OTUD4: variants seen among roughly 807,000 people sequenced by gnomAD.
OTUD4 encodes the protein OTU deubiquitinase 4.
A neutral mutation model predicts 130.4 loss-of-function variants in OTUD4; 24 were observed. The ratio of observed to expected loss-of-function variants is 0.18; its 90% CI spans 0.13 to 0.26. OTUD4 has a LOEUF of 0.26. Among genes scored for constraint, OTUD4 ranks in the 10% least tolerant of loss-of-function variants. OTUD4 has a pLI of 1.00. For synonymous variants in OTUD4, 420 were observed against 472.5 expected, an observed-to-expected ratio of 0.89 and a Z score of 1.44; for missense variants, 1,031 against 1,329.4, an observed-to-expected ratio of 0.78 and a Z score of 3.49.
At chr4:145,172,377 A>C (rs1752211796) in intron 2 of OTUD4, among the ~76,000 whole-genome samples, 1 of 152,268 alleles carries the variant, frequency 6.6e-6, no homozygotes. Context: ...GTGATACTAG[A>C]AAGAGCGATG....
At chr4:145,179,548 C>A (rs1046544558) in intron 1 of OTUD4, 31 of 1,178,744 alleles carry the variant, frequency 2.6e-5, no homozygotes, top group African/African-American at 2.1e-4. Flanking sequence ...AAGCTCCGAG[C>A]AGGCCTCACA....
In OTUD4 at chr4:145,180,387, CTCAGGTGAAGCGGGG is replaced by C. The variant is rs1335864359; in HGVS notation, c.-429_-415del. Among the ~76,000 whole-genome samples, 1 of 152,208 alleles carries C rather than the reference CTCAGGTGAAGCGGGG, an allele frequency of 6.6e-6. No individual in the cohort carries two copies. Among genetic ancestry groups the C allele is most frequent in the Non-Finnish European group, 1.5e-5 (1 of 68,036 alleles). ...GCCCCTGGCGCGCACGCTGGGCCGGCTCAGGTGAAGCGGGGCCTGCGCCCCCGCGCACTCCCCACG... is the reference window on the plus strand; with the variant it reads ...GCCCCTGGCGCGCACGCTGGGCCGGCCCTGCGCCCCCGCGCACTCCCCACG... On this transcript the variant is annotated 5_prime_UTR_variant, in exon 1 of 21. Transcript: ENST00000447906.
At chr4:145,159,303 T>C (rs1751440253) in intron 7 of OTUD4, 200 bp downstream of exon 7, 1 of 1,380,550 alleles carries the variant, frequency 7.2e-7, no homozygotes, top group Non-Finnish European at 9.3e-7. Flanking sequence ...AAACACCAAC[T>C]TTCAAAACAA....
intron 1 of OTUD4, among the ~76,000 whole-genome samples, chr4:145,175,568 G>A (rs1182544620): frequency 1.3e-5 from 2 of 149,914 alleles, no homozygotes; most frequent in African/African-American, 4.9e-5. Context: ...TTTTTGAGAC[G>A]GAGTCCTGCT....
intron 17 of OTUD4, 98 bp from the exon 18 acceptor site, chr4:145,142,432 C>A (rs1560978602): frequency 1.1e-5 from 11 of 997,828 alleles, no homozygotes; most frequent in South Asian, 1.6e-5. Context: ...GAGTTGCCTG[C>A]CTTTTATACA....
chr4:145,169,385 C>T (rs1358056981), intron 3 of OTUD4, among the ~76,000 whole-genome samples: 1 of 152,226 alleles, frequency 6.6e-6, no homozygotes, highest in Non-Finnish European at 1.5e-5. Context: ...AAGATGCTTT[C>T]TCTGAGAACT....
rs746794920 is a variant in OTUD4 at position 145,150,944 on chromosome 4, C to A, written c.969-39G>T. 3 of 1,275,800 alleles carry A rather than the reference C, an allele frequency of 2.4e-6. No homozygotes were observed. The South Asian group carries it at 3.9e-5, about 17-fold the overall frequency. 79.0% of individuals were successfully genotyped at this position (1,275,800 alleles called of 1,614,324 possible). On this transcript the variant is annotated intron_variant, in intron 11 of 20. Coordinates refer to ENST00000447906, the MANE Select transcript of OTUD4 (RefSeq NM_001366057.1). ...AAGACTTGTGATAGCTTAAAATACC[C>A]TAGTAAGAATAGTTAAATATTCTGC...
intron 1 of OTUD4, chr4:145,178,524 T>C (rs189946735): frequency 6.6e-6 from 1 of 151,986 alleles, no homozygotes; most frequent in African/African-American, 2.4e-5. Flanking sequence ...CTACTAACAA[T>C]AAGGACCGGA....
Position 145,134,737 on chromosome 4 carries a change from AAGAGTTGAAG to A in OTUD4, c.*2683_*2692del. The A allele has an allele frequency of 2.5e-6, 1 of 398,998 alleles. No individual in the cohort carries two copies. Among genetic ancestry groups the A allele is most frequent in the Non-Finnish European group, 4.4e-6 (1 of 226,032 alleles). The allele number at this position is 398,998 out of a possible 1,614,324, so 24.7% of individuals were successfully genotyped here. ...TCCTGCTGCCAAGGAGACATGGGGCAAGAGTTGAAGATTTGAGAGGAAATGAAGAGACATA... is the reference window on the plus strand; with the variant it reads ...TCCTGCTGCCAAGGAGACATGGGGCAATTTGAGAGGAAATGAAGAGACATA... On this transcript the variant is annotated 3_prime_UTR_variant, in exon 21 of 21. Coordinates refer to ENST00000447906, the MANE Select transcript of OTUD4 (RefSeq NM_001366057.1).
Position 145,133,799 on chromosome 4 carries a change from AT to A in OTUD4, c.*3630del, listed in dbSNP as rs1462335556. ...AGAACATAGAAAAATAAACAGGAAT[AT>A]ATTCAACACTTACAAAAAGTGATAT... On this transcript the variant is annotated 3_prime_UTR_variant, in exon 21 of 21. Coordinates refer to ENST00000447906, the MANE Select transcript of OTUD4 (RefSeq NM_001366057.1). 1 of 152,654 alleles carries A rather than the reference AT, an allele frequency of 6.6e-6. No homozygotes were observed. Among genetic ancestry groups the A allele is most frequent in the Non-Finnish European group, 1.5e-5 (1 of 68,022 alleles). The allele number at this position is 152,654 out of a possible 1,614,324, so 9.5% of individuals were successfully genotyped here.
rs768064187 is a variant in OTUD4, at chr4:145,144,367, A to G, written c.1490T>C (p.Val497Ala). 268 of 1,611,504 alleles carry G rather than the reference A, an allele frequency of 1.7e-4. No individual in the cohort carries two copies. The highest frequency in any genetic ancestry group is 2.0e-4 in the Non-Finnish European group (236 of 1,178,248). Residue 497 changes from valine (V) to alanine (A), a missense_variant, in exon 15 of 21, where the codon GTA becomes GCA. Physicochemically the swap from Val to Ala is moderately conservative, Grantham distance 64. This residue lies in a region of OTUD4 where 900 missense variants were observed against 1,095.9 expected (regional missense o/e 0.82). Transcript: ENST00000447906. Reference protein sequence around the residue: ...NPCVQRKSSHVGDRKGSRRRM... With the variant: ...NPCVQRKSSHAGDRKGSRRRM... The stretch of plus-strand genomic sequence containing the variant: ...CCGCCTGCTTCCTTTTCTATCACCT[A>G]CATGTGATGATTTTCTCTGGACACA...
intron 3 of OTUD4, among the ~76,000 whole-genome samples, chr4:145,166,292 T>C (rs927537782): frequency 1.6e-4 from 25 of 152,288 alleles, no homozygotes; most frequent in African/African-American, 6.0e-4. Context: ...GCAATTGTTT[T>C]GAAAACAAGA....
rs771268625 is a variant in OTUD4 at position 145,138,643 on chromosome 4, C to T, written c.2132G>A (p.Ser711Asn). 6.1e-5 allele frequency: 98 copies of T among 1,603,510 alleles called. No homozygotes were observed. Among genetic ancestry groups the T allele is most frequent in the Non-Finnish European group, 5.4e-5 (64 of 1,176,522 alleles). ...FFFNLGVKAY[S>N]CPMWAPHSYL... is the part of the protein sequence containing the mutation. ...AGAATGTGGGGCCCACATAGGACAA[C>T]TGTATGCCTGAAGAGACAAAAAACA... is the stretch of plus-strand genomic sequence containing the variant. The change falls in exon 21 of 21, where the codon AGT (serine) becomes AAT (asparagine). Residue 711 changes from serine to asparagine, a missense_variant. Coordinates refer to ENST00000447906, the MANE Select transcript of OTUD4 (RefSeq NM_001366057.1).
chr4:145,155,820 G>A, intron 8 of OTUD4, 116 bp downstream of exon 8: 1 of 986,756 alleles, frequency 1.0e-6, no homozygotes, highest in Non-Finnish European at 1.5e-6. Flanking sequence ...CAATTTCTGA[G>A]TAGATGATCC....
At chr4:145,143,900 G>A (rs1750699276) in intron 16 of OTUD4, 46 bp downstream of exon 16, 2 of 1,391,928 alleles carry the variant, frequency 1.4e-6, no homozygotes, top group Admixed American at 1.7e-5. Flanking sequence ...GTACTACACA[G>A]TATTAAGGAA....
At position 145,164,238 on chromosome 4, in the gene OTUD4, A is replaced by C. The variant is rs1244579877; in HGVS notation, c.342-12T>G. 1.7e-6 allele frequency: 2 copies of C among 1,154,976 alleles called. No homozygotes were observed. Among genetic ancestry groups the C allele is most frequent in the Non-Finnish European group, 2.5e-6 (2 of 798,334 alleles). The allele number at this position is 1,154,976 out of a possible 1,614,324, so 71.5% of individuals were successfully genotyped here. A position where few individuals can be genotyped will look rare whatever the true frequency, so the allele number is the denominator to read the frequency against. On this transcript the variant is annotated splice_polypyrimidine_tract_variant and intron_variant, in intron 4 of 20. Transcript: ENST00000447906. ...TTATAAAATCTTTCCTGAAAATAACAATTAGAAATTATTTATAATGGACTA... is the reference window on the plus strand; with the variant it reads ...TTATAAAATCTTTCCTGAAAATAACCATTAGAAATTATTTATAATGGACTA...
chr4:145,142,634 G>A (rs1410236539), intron 17 of OTUD4, among the ~76,000 whole-genome samples: 2 of 152,198 alleles, frequency 1.3e-5, no homozygotes, highest in African/African-American at 2.4e-5. Flanking sequence ...CGATCTGCCC[G>A]CCTTGGCATC....
intron 10 of OTUD4, among the ~76,000 whole-genome samples, chr4:145,153,734 T>C (rs1367045263): frequency 2.0e-5 from 3 of 152,210 alleles, no homozygotes; most frequent in East Asian, 1.9e-4. Flanking sequence ...TACAGGACAA[T>C]GCTTTAAGCA....
chr4:145,145,383 A>T lies in OTUD4; in HGVS notation c.1422+884T>A, dbSNP rs36226327. On this transcript the variant is annotated intron_variant, in intron 14 of 20. Coordinates refer to ENST00000447906, the MANE Select transcript of OTUD4 (RefSeq NM_001366057.1). ...ATTCCTAAACTCCAATGCCTGTGCC[A>T]GATTAAACTGCTATTCCAGATCACC... 1.9e-4 allele frequency among the ~76,000 whole-genome samples: 29 copies of T among 152,308 alleles called. 1 individual carries two copies. Among genetic ancestry groups the T allele is most frequent in the South Asian group, 1.0e-3 (5 of 4,828 alleles).
Sources: gnomAD v4.1 joint callset for allele counts (sites outside exome capture counted in the v4.1 genomes callset) on GRCh38, gnomAD v4.1.1 for gene constraint, gnomAD v4.1.1 regional missense constraint, MANE v1.5 for transcripts, NCBI Gene and HGNC (gene_info 2026-07-23, HGNC 2026-07-21) for gene names.